The following NDST3 variants were observed in gnomAD, a reference collection of about 807,000 sequenced individuals.
NDST3 encodes the protein bifunctional heparan sulfate N-deacetylase/N-sulfotransferase 3.
A neutral mutation model predicts 96.1 loss-of-function variants in NDST3; 58 were observed. The observed-to-expected ratio is 0.60, with a 90% CI of 0.49 to 0.75. The LOEUF (loss-of-function observed/expected upper bound fraction) is 0.75. Among genes scored for constraint, NDST3 ranks in the 30% least tolerant of loss-of-function variants. The pLI is 0.00. For synonymous variants in NDST3, 333 were observed against 359.7 expected, an observed-to-expected ratio of 0.93 and a Z score of 0.84; for missense variants, 788 against 1,034.2, an observed-to-expected ratio of 0.76 and a Z score of 3.27.
chr4:118,176,174 G>C (rs192434537), intron 6 of NDST3, among the ~76,000 whole-genome samples: 1 of 150,558 alleles, frequency 6.6e-6, no homozygotes, highest in East Asian at 1.9e-4. Flanking sequence ...TTGAATTTAA[G>C]TCTTAAAAAA....
chr4:118,224,638 G>T lies in NDST3; in HGVS notation c.1687G>T (p.Glu563Ter), dbSNP rs964541322. The T allele has an allele frequency of 4.4e-6, 7 of 1,608,950 alleles. No homozygotes were observed. Among genetic ancestry groups the T allele is most frequent in the Non-Finnish European group, 5.9e-6 (7 of 1,177,378 alleles). ...AGTACAACTGGCCCACAAGTATTTT[G>T]AGCTGTTTCCTGATCAGAAAGACCC... ...PPVQLAHKYFELFPDQKDPLW... is the reference protein window; with the variant it reads ...PPVQLAHKYF The change falls in exon 7 of 14, where the codon GAG (glutamate) becomes TAG (stop). Residue 563 changes from glutamate (E) to a stop codon, truncating the protein, a stop_gained. Transcript: ENST00000296499. LOFTEE classifies it high-confidence loss of function.
chr4:118,191,056 T>A (rs575628503), intron 6 of NDST3, among the ~76,000 whole-genome samples: 1 of 152,304 alleles, frequency 6.6e-6, no homozygotes, highest in African/African-American at 2.4e-5. Flanking sequence ...AATCTTCCAA[T>A]TACCTATTTT....
intron 3 of NDST3, among the ~76,000 whole-genome samples, chr4:118,111,958 G>A (rs563071733): frequency 2.0e-5 from 3 of 151,912 alleles, no homozygotes; most frequent in South Asian, 4.2e-4. Context: ...TTACAGGCAT[G>A]AGCCACCATG....
chr4:118,171,705 G>C (rs1269689972), intron 6 of NDST3, among the ~76,000 whole-genome samples: 1 of 152,168 alleles, frequency 6.6e-6, no homozygotes. Context: ...GGAATTGTCC[G>C]TCCTTCTGAA....
intron 4 of NDST3, among the ~76,000 whole-genome samples, chr4:118,118,514 C>T (rs772503198): frequency 2.0e-5 from 3 of 152,164 alleles, no homozygotes; most frequent in Non-Finnish European, 4.4e-5. Context: ...ATCTATTATC[C>T]TTTTGCACAA....
At chr4:118,162,147 A>T (rs573953285) in intron 6 of NDST3, among the ~76,000 whole-genome samples, 1 of 152,298 alleles carries the variant, frequency 6.6e-6, no homozygotes, top group East Asian at 1.9e-4. Context: ...GGTAGGAAGA[A>T]TCAATATCAT....
intron 6 of NDST3, among the ~76,000 whole-genome samples, chr4:118,145,158 T>A (rs908530503): frequency 6.6e-6 from 1 of 152,214 alleles, no homozygotes; most frequent in African/African-American, 2.4e-5. Context: ...TGAGTCTCCT[T>A]ATACAGCTTT....
At chr4:118,253,468 G>A (rs762862316) in intron 12 of NDST3, 31 bp from the exon 13 acceptor site, 2 of 1,469,720 alleles carry the variant, frequency 1.4e-6, no homozygotes, top group East Asian at 2.3e-5. Context: ...TGATTTTCTG[G>A]TTTTTCTGTG....
intron 6 of NDST3, among the ~76,000 whole-genome samples, chr4:118,188,704 A>T (rs1737123537): frequency 1.3e-5 from 2 of 152,168 alleles, no homozygotes; most frequent in Admixed American, 6.6e-5. Context: ...ATTTCTGGGA[A>T]TTCTTATCCA....
chr4:118,123,622 A>G (rs2125877428), intron 4 of NDST3, among the ~76,000 whole-genome samples: 1 of 152,208 alleles, frequency 6.6e-6, no homozygotes. Context: ...AAAAATACCA[A>G]CCTGGGCTGT....
chr4:118,053,836 G>T lies in NDST3; in HGVS notation c.-75G>T, dbSNP rs1313555508. Reference sequence around the variant, plus strand: ...TAAACTCTTGACAGAGATTGGAAAAGTAGCTGGAACACCATCTTTTCTTTT... The same window carrying T: ...TAAACTCTTGACAGAGATTGGAAAATTAGCTGGAACACCATCTTTTCTTTT... On this transcript the variant is annotated 5_prime_UTR_variant, in exon 2 of 14. Transcript: ENST00000296499. The T allele has an allele frequency of 2.0e-6, 3 of 1,483,768 alleles. No homozygotes were observed. In the African/African-American group the frequency reaches 4.2e-5, roughly 21 times the overall value. 91.9% of individuals were successfully genotyped at this position (1,483,768 alleles called of 1,614,324 possible).
chr4:118,071,909 T>C (rs190702422), intron 2 of NDST3, among the ~76,000 whole-genome samples: 41 of 152,252 alleles, frequency 2.7e-4, no homozygotes, highest in African/African-American at 9.9e-4. Flanking sequence ...CACCAGCATC[T>C]TTTATTTGTT....
At chr4:118,152,594 A>C (rs980489899) in intron 6 of NDST3, among the ~76,000 whole-genome samples, 22 of 152,322 alleles carry the variant, frequency 1.4e-4, no homozygotes, top group African/African-American at 5.3e-4. Context: ...TTACAATAGA[A>C]ATAAAACTTT....
chr4:118,055,031 C>A (rs1725323924), intron 2 of NDST3, 140 bp downstream of exon 2: 1 of 999,220 alleles, frequency 1.0e-6, no homozygotes, highest in African/African-American at 1.6e-5. Flanking sequence ...TTATCGCTCA[C>A]CCTAAATCAA....
chr4:118,211,237 G>A (rs1247603312), intron 6 of NDST3, among the ~76,000 whole-genome samples: 1 of 152,142 alleles, frequency 6.6e-6, no homozygotes, highest in African/African-American at 2.4e-5. Flanking sequence ...TAAGAGATTA[G>A]GGAGGCCATT....
At chr4:118,135,735 A>C (rs939028120) in intron 4 of NDST3, among the ~76,000 whole-genome samples, 1 of 152,004 alleles carries the variant, frequency 6.6e-6, no homozygotes, top group African/African-American at 2.4e-5. Context: ...AAACTAAAAA[A>C]CCCATTTAGT....
chr4:118,237,044 A>T lies in NDST3; in HGVS notation c.1944-2A>T, dbSNP rs1240005923. ...ATTTTGAGAAAAATATTCCTTTTCTAGGTATATGGATTTCTTCCCAGTCCC... is the reference window on the plus strand; with the variant it reads ...ATTTTGAGAAAAATATTCCTTTTCTTGGTATATGGATTTCTTCCCAGTCCC... On this transcript the variant is annotated splice_acceptor_variant, in intron 9 of 13. Transcript: ENST00000296499. LOFTEE classifies it high-confidence loss of function. The T allele has an allele frequency of 1.3e-6, 2 of 1,580,918 alleles. No individual in the cohort carries two copies. The highest frequency in any genetic ancestry group is 1.7e-6 in the Non-Finnish European group (2 of 1,162,694).
chr4:118,236,974 CTT>C, intron 9 of NDST3, 70 bp from the exon 10 acceptor site: 1 of 1,193,104 alleles, frequency 8.4e-7, no homozygotes, highest in Non-Finnish European at 1.1e-6. Flanking sequence ...TTGTGGGACA[CTT>C]TTAACATCTT....
chr4:118,232,417 C>T (rs1303798477), intron 8 of NDST3, among the ~76,000 whole-genome samples: 1 of 151,864 alleles, frequency 6.6e-6, no homozygotes, highest in Admixed American at 6.6e-5. Context: ...ATTGCATGAG[C>T]TCAAGTGTTC....
Sources: gnomAD v4.1 joint callset for allele counts (sites outside exome capture counted in the v4.1 genomes callset) on GRCh38, gnomAD v4.1.1 for gene constraint, MANE v1.5 for transcripts, NCBI Gene and HGNC (gene_info 2026-07-23, HGNC 2026-07-21) for gene names.